Variants in CA10 observed in about 807,000 individuals in gnomAD.
CA10 encodes the protein carbonic anhydrase 10 (inactive), also known as carbonic anhydrase-related protein 10.
CA10 carries 14 observed loss-of-function variants against 44.2 expected under a neutral mutation model. The ratio of observed to expected loss-of-function variants is 0.32; its 90% confidence interval spans 0.21 to 0.50. The LOEUF is 0.50. Among genes scored for constraint, CA10 ranks in the 20% least tolerant of loss-of-function variants. The pLI is 0.99. For missense variants in CA10, 350 were observed against 409.7 expected, an observed-to-expected ratio of 0.85 and a Z score of 1.26; for synonymous variants, 159 against 141.6, an observed-to-expected ratio of 1.12 and a Z score of -0.87.
At chr17:51,745,408 ATGCTTTCTTCACTCAT>A (rs1435816200) in intron 4 of CA10, among the ~76,000 whole-genome samples, 1 of 152,170 alleles carries the variant, frequency 6.6e-6, no homozygotes, top group East Asian at 1.9e-4. Context: ...CCCTGCTTAC[ATGCTTTCTTCACTCAT>A]TGCTTTCTTC....
intron 2 of CA10, among the ~76,000 whole-genome samples, chr17:51,966,595 A>T (rs1984089404): frequency 6.6e-6 from 1 of 151,880 alleles, no homozygotes; most frequent in Non-Finnish European, 1.5e-5. Flanking sequence ...AAGAAAAATA[A>T]GCAATGGGAA....
In CA10 at chr17:51,908,022, T is replaced by C. The variant is rs971360929; in HGVS notation, c.279+22968A>G. On this transcript the variant is annotated intron_variant, in intron 3 of 8. Coordinates refer to ENST00000451037, the MANE Select transcript of CA10 (RefSeq NM_020178.5). ...TGGCACATAGCAGGTGTTCAATAAA[T>C]AGTGAGTAAATGAATGAATAAAGTA... is the stretch of plus-strand genomic sequence containing the variant. Among the ~76,000 whole-genome samples, 3 of 152,280 alleles carry C rather than the reference T, an allele frequency of 2.0e-5. No homozygotes were observed. In the East Asian group the frequency reaches 5.8e-4, roughly 29 times the overall value.
At chr17:51,702,710 C>G (rs1915642643) in intron 4 of CA10, among the ~76,000 whole-genome samples, 1 of 152,186 alleles carries the variant, frequency 6.6e-6, no homozygotes, top group Non-Finnish European at 1.5e-5. Context: ...GGGAGGTAGA[C>G]AGGGAGATCA....
intron 2 of CA10, among the ~76,000 whole-genome samples, chr17:52,025,750 A>G (rs192966860): frequency 6.6e-6 from 1 of 152,250 alleles, no homozygotes; most frequent in Non-Finnish European, 1.5e-5. Context: ...TGCATAAAAT[A>G]CCAGCCTTTT....
At chr17:51,943,026 A>T (rs1983142844) in intron 2 of CA10, among the ~76,000 whole-genome samples, 1 of 152,158 alleles carries the variant, frequency 6.6e-6, no homozygotes, top group African/African-American at 2.4e-5. Context: ...CTATGATCTT[A>T]CAATATAATT....
chr17:52,007,238 TATA>T (rs1358376652), intron 2 of CA10, among the ~76,000 whole-genome samples: 1 of 151,722 alleles, frequency 6.6e-6, no homozygotes. Context: ...ACCTATAGTT[TATA>T]TTCTTCTCTT....
chr17:52,156,090 A>G (rs9904722), intron 1 of CA10, among the ~76,000 whole-genome samples: 285 of 152,310 alleles, frequency 1.9e-3, no homozygotes, highest in African/African-American at 6.2e-3. Flanking sequence ...TATAAATCTT[A>G]AAGGTACTCA....
chr17:51,668,684 C>A (rs1251327927), intron 4 of CA10, among the ~76,000 whole-genome samples: 1 of 152,188 alleles, frequency 6.6e-6, no homozygotes, highest in Admixed American at 6.5e-5. Flanking sequence ...ACTTGAGGAG[C>A]CCTTCAGCCC....
intron 4 of CA10, among the ~76,000 whole-genome samples, chr17:51,654,643 G>A (rs1003441266): frequency 2.6e-5 from 4 of 151,100 alleles, no homozygotes; most frequent in African/African-American, 7.3e-5. Flanking sequence ...TGCAACCTCC[G>A]CCTCCCAGGT....
intron 4 of CA10, among the ~76,000 whole-genome samples, chr17:51,669,548 C>G (rs569803065): frequency 6.6e-6 from 1 of 152,166 alleles, no homozygotes; most frequent in Non-Finnish European, 1.5e-5. Flanking sequence ...GCTGCTCACT[C>G]TTTGGGTCCA....
At position 51,717,829 on chromosome 17, in the gene CA10, G is replaced by GTGTTTA. The variant is rs1337266806; in HGVS notation, c.465+29803_465+29804insTAAACA. On this transcript the variant is annotated intron_variant, in intron 4 of 8. Coordinates refer to ENST00000451037, the MANE Select transcript of CA10 (RefSeq NM_020178.5). ...TATATACACGTATATATATGTGTGT[G>GTGTTTA]TATATATATATATATATATATATAT... Among the ~76,000 whole-genome samples, 17 of 7,918 alleles carry GTGTTTA rather than the reference G, an allele frequency of 2.1e-3. 3 individuals are homozygous for GTGTTTA. Among genetic ancestry groups the GTGTTTA allele is most frequent in the African/African-American group, 5.7e-3 (17 of 2,962 alleles). 5.2% of individuals were successfully genotyped at this position (7,918 alleles called of 152,430 possible). A position where few individuals can be genotyped will look rare whatever the true frequency, so the allele number is the denominator to read the frequency against.
intron 3 of CA10, among the ~76,000 whole-genome samples, chr17:51,750,308 T>C (rs1904849237): frequency 6.6e-6 from 1 of 151,994 alleles, no homozygotes; most frequent in Non-Finnish European, 1.5e-5. Context: ...AGATTTTATA[T>C]ATGTGCATTA....
At chr17:51,860,866 T>C (rs1270059457) in intron 3 of CA10, among the ~76,000 whole-genome samples, 5 of 152,020 alleles carry the variant, frequency 3.3e-5, no homozygotes, top group Non-Finnish European at 5.9e-5. Flanking sequence ...CAAACAAAAA[T>C]AGACTGAGAA....
rs1904788831 is a variant in CA10 at position 51,748,551 on chromosome 17, A to AGC, written c.280-734_280-733insGC. On this transcript the variant is annotated intron_variant, in intron 3 of 8. Transcript: ENST00000451037. ...GCTTCATTTTCCTGACTGTGACCTC[A>AGC]ACAACAATTGATTCTAGAACACTCA... The AGC allele has an allele frequency of 1.5e-4, 133 of 905,364 alleles. 1 individual carries two copies. The highest frequency in any genetic ancestry group is 1.6e-4 in the Non-Finnish European group (123 of 757,158). 56.1% of individuals were successfully genotyped at this position (905,364 alleles called of 1,614,324 possible). A position where few individuals can be genotyped will look rare whatever the true frequency, so the allele number is the denominator to read the frequency against.
intron 4 of CA10, among the ~76,000 whole-genome samples, chr17:51,711,726 G>T (rs1298899898): frequency 2.0e-5 from 3 of 152,198 alleles, no homozygotes; most frequent in African/African-American, 7.2e-5. Context: ...CCCATAGGAG[G>T]GCGCTGGAGT....
chr17:51,636,431 C>T (rs1461772516), intron 6 of CA10, among the ~76,000 whole-genome samples: 1 of 152,172 alleles, frequency 6.6e-6, no homozygotes, highest in Admixed American at 6.5e-5. Context: ...ATCACTTGTG[C>T]TCATGTTTTG....
chr17:52,089,976 A>G (rs1296782669), intron 1 of CA10, among the ~76,000 whole-genome samples: 5 of 152,176 alleles, frequency 3.3e-5, no homozygotes, highest in Admixed American at 6.5e-5. Context: ...TAGAATGATG[A>G]GTTATTAGTA....
At chr17:51,971,815 G>A (rs1371702064) in intron 2 of CA10, among the ~76,000 whole-genome samples, 1 of 151,792 alleles carries the variant, frequency 6.6e-6, no homozygotes, top group African/African-American at 2.4e-5. Context: ...ATTAGCCTAA[G>A]CTAGTATAAC....
intron 3 of CA10, among the ~76,000 whole-genome samples, chr17:51,878,037 G>A (rs1348519303): frequency 6.6e-6 from 1 of 150,860 alleles, no homozygotes; most frequent in Non-Finnish European, 1.5e-5. Flanking sequence ...CCAGCTACTC[G>A]GGAGGCTGAG....
Sources: allele counts gnomAD v4.1 joint callset (sites outside exome capture counted in the v4.1 genomes callset), GRCh38; gene constraint gnomAD v4.1.1; transcripts MANE v1.5; gene names NCBI Gene and HGNC (gene_info 2026-07-23, HGNC 2026-07-21).